The following CHIA variants were observed in gnomAD, a reference collection of about 807,000 sequenced individuals.
CHIA encodes acidic mammalian chitinase.
A neutral mutation model predicts 53.5 loss-of-function variants in CHIA; 47 were observed. The ratio of observed to expected loss-of-function variants is 0.88; its 90% CI spans 0.70 to 1.12. The LOEUF (loss-of-function observed/expected upper bound fraction) is 1.12. Among genes scored for constraint, CHIA ranks in the 50% most tolerant of loss-of-function variants. The pLI is 0.00. For synonymous variants in CHIA, 268 were observed against 222.2 expected, an observed-to-expected ratio of 1.21 and a Z score of -1.83; for missense variants, 652 against 592.2, an observed-to-expected ratio of 1.10 and a Z score of -1.05.
intron 4 of CHIA, among the ~76,000 whole-genome samples, chr1:111,312,712 G>A (rs1648787633): frequency 6.6e-6 from 1 of 152,164 alleles, no homozygotes; most frequent in South Asian, 2.1e-4. Context: ...ACTAACAATA[G>A]TAACCATGTT....
At chr1:111,317,551 C>T in intron 6 of CHIA, 130 bp from the exon 7 acceptor site, 1 of 1,027,042 alleles carries the variant, frequency 9.7e-7, no homozygotes, top group East Asian at 2.6e-5. Flanking sequence ...TGTTGAGAGA[C>T]TAAAGTAAAA....
intron 6 of CHIA, chr1:111,315,919 A>G: frequency 1.0e-5 from 1 of 99,216 alleles, no homozygotes; most frequent in Non-Finnish European, 2.1e-5. Context: ...TAAGAATAAG[A>G]CACTATCCTT....
intron 1 of CHIA, among the ~76,000 whole-genome samples, chr1:111,295,562 T>C (rs1661285377): frequency 2.0e-5 from 3 of 152,134 alleles, no homozygotes; most frequent in Admixed American, 1.3e-4. Flanking sequence ...AGCTCCCGTC[T>C]GCAGCTCCCA....
chr1:111,305,966 T>G (rs1193266470), intron 1 of CHIA, among the ~76,000 whole-genome samples: 1 of 152,156 alleles, frequency 6.6e-6, no homozygotes, highest in Non-Finnish European at 1.5e-5. Flanking sequence ...GAAGATGCAG[T>G]TTAAAATGGT....
rs1649363989 is a variant in CHIA at position 111,318,532 on chromosome 1, G to C, written c.769G>C (p.Ala257Pro). The change falls in exon 9 of 12, where the codon GCT (alanine) becomes CCT (proline). Residue 257 changes from alanine (A) to proline (P), a missense_variant. Ala to Pro is a conservative substitution (Grantham distance 27). Transcript: ENST00000369740. ...MNYWKDNGAPAEKLIVGFPTY... is the reference protein window; with the variant it reads ...MNYWKDNGAPPEKLIVGFPTY... ...CTACTGGAAGGACAATGGAGCACCA[G>C]CTGAGAAGCTCATCGTTGGATTCCC... is the stretch of plus-strand genomic sequence containing the variant. The C allele has an allele frequency of 1.2e-6, 2 of 1,614,068 alleles. No homozygotes were observed. Among genetic ancestry groups the C allele is most frequent in the Admixed American group, 1.7e-5 (1 of 60,002 alleles).
intron 1 of CHIA, among the ~76,000 whole-genome samples, chr1:111,296,743 A>T (rs995908472): frequency 3.9e-5 from 6 of 152,260 alleles, no homozygotes; most frequent in African/African-American, 1.4e-4. Flanking sequence ...TGACAGAAGT[A>T]GGCTTCAGAA....
intron 5 of CHIA, 69 bp downstream of exon 5, chr1:111,314,665 T>C: frequency 1.8e-6 from 2 of 1,086,026 alleles, no homozygotes; most frequent in Non-Finnish European, 2.9e-6. Context: ...GTGATCACTG[T>C]CCCTTTAGAC....
chr1:111,309,616 T>A (rs1648499796), intron 1 of CHIA, among the ~76,000 whole-genome samples: 1 of 152,184 alleles, frequency 6.6e-6, no homozygotes, highest in South Asian at 2.1e-4. Flanking sequence ...CAAGGCATGT[T>A]TGAGGGCAAA....
At chr1:111,297,313 G>A (rs995108289) in intron 1 of CHIA, among the ~76,000 whole-genome samples, 36 of 152,102 alleles carry the variant, frequency 2.4e-4, no homozygotes, top group African/African-American at 7.5e-4. Flanking sequence ...AAATGTTAAG[G>A]GCAGCCAGAG....
At position 111,320,281 on chromosome 1, in the gene CHIA, G is replaced by A. The variant is rs138227985; in HGVS notation, c.1246G>A (p.Gly416Arg). 1.8e-4 allele frequency: 285 copies of A among 1,614,184 alleles called. No homozygotes were observed. In the African/African-American group the frequency reaches 3.0e-3, roughly 17 times the overall value. The change falls in exon 12 of 12, where the codon GGG becomes AGG. Residue 416 changes from glycine to arginine, a missense_variant. Physicochemically the swap from Gly to Arg is moderately radical, Grantham distance 125 (BLOSUM62 -2). Transcript: ENST00000369740. The stretch of plus-strand genomic sequence containing the variant: ...TCCCAGTGGCAGCGGGAACGGGAGC[G>A]GGAGTAGCAGCTCTGGAGGCAGCTC... ...AAPSGSGNGS[G>R]SSSSGGSSGG...
At chr1:111,312,105 G>C (rs1414233800) in intron 3 of CHIA, 85 bp from the exon 4 acceptor site, 14 of 1,037,610 alleles carry the variant, frequency 1.3e-5, no homozygotes, top group Non-Finnish European at 2.1e-5. Context: ...GGCACAGGGA[G>C]GGAAACAGAG....
chr1:111,308,483 G>C (rs987367641), intron 1 of CHIA, among the ~76,000 whole-genome samples: 1 of 152,204 alleles, frequency 6.6e-6, no homozygotes, highest in African/African-American at 2.4e-5. Flanking sequence ...AGCAAAATTG[G>C]TGTGATAGTA....
intron 6 of CHIA, 79 bp from the exon 7 acceptor site, chr1:111,317,602 C>G: frequency 6.7e-7 from 1 of 1,498,082 alleles, no homozygotes; most frequent in South Asian, 1.2e-5. Flanking sequence ...AAGCATTATA[C>G]AGACATATGT....
rs571651178 is a variant in CHIA, at chr1:111,298,904, A to T, written c.-69+7954A>T. Among the ~76,000 whole-genome samples, 3 of 152,340 alleles carry T rather than the reference A, an allele frequency of 2.0e-5. No individual in the cohort carries two copies. In the South Asian group the frequency reaches 6.2e-4, roughly 32 times the overall value. On this transcript the variant is annotated intron_variant, in intron 1 of 11. Transcript: ENST00000369740. The stretch of plus-strand genomic sequence containing the variant: ...GATGCAATAAAAAATGATAAAGGGG[A>T]TATCACCACCGATCCCACAGAAATA...
rs1649070484 is a variant in CHIA at position 111,315,359 on chromosome 1, T to C, written c.404T>C (p.Leu135Pro). 2 of 1,614,094 alleles carry C rather than the reference T, an allele frequency of 1.2e-6. No homozygotes were observed. Among genetic ancestry groups the C allele is most frequent in the Admixed American group, 1.7e-5 (1 of 60,028 alleles). ...CTGCGCCAGTATGAGTTTGACGGGC[T>C]GGACTTTGACTGGGAGTACCCTGGC... ...KFLRQYEFDG[L>P]DFDWEYPGSR... Residue 135 changes from leucine (L) to proline (P), a missense_variant, in exon 6 of 12, where the codon CTG becomes CCG. By Grantham distance (98) the Leu-to-Pro change is moderately conservative. Transcript: ENST00000369740.
rs1401844803 is a variant in CHIA at position 111,320,413 on chromosome 1, T to C, written c.1378T>C (p.Cys460Arg). Residue 460 changes from cysteine (C) to arginine (R), a missense_variant, in exon 12 of 12, where the codon TGC becomes CGC. Physicochemically the swap from Cys to Arg is radical, Grantham distance 180. Coordinates refer to ENST00000369740, the MANE Select transcript of CHIA (RefSeq NM_201653.4). ...CVNGVTYQQN[C>R]QAGLVFDTSC... Reference sequence around the variant, plus strand: ...GAATGGAGTCACGTACCAGCAGAACTGCCAGGCCGGGCTTGTCTTCGACAC... The same window carrying C: ...GAATGGAGTCACGTACCAGCAGAACCGCCAGGCCGGGCTTGTCTTCGACAC... The C allele has an allele frequency of 3.7e-6, 6 of 1,614,212 alleles. No homozygotes were observed. Among genetic ancestry groups the C allele is most frequent in the Non-Finnish European group, 5.1e-6 (6 of 1,180,032 alleles).
chr1:111,318,133 A>T (rs202022968), intron 8 of CHIA, 24 bp downstream of exon 8: 1 of 1,564,416 alleles, frequency 6.4e-7, no homozygotes, highest in Non-Finnish European at 8.8e-7. Context: ...CAGATGCAAG[A>T]GCAGACCAGA....
chr1:111,309,329 A>T (rs1287567185), intron 1 of CHIA, among the ~76,000 whole-genome samples: 1 of 152,262 alleles, frequency 6.6e-6, no homozygotes, highest in Non-Finnish European at 1.5e-5. Flanking sequence ...TGGACTCACA[A>T]GAACTCTGCT....
At chr1:111,292,111 C>T (rs4406630) in intron 1 of CHIA, among the ~76,000 whole-genome samples, 42,409 of 152,082 alleles carry the variant, frequency 0.28, 6,229 homozygotes, top group East Asian at 0.36. Flanking sequence ...CCTATAATTA[C>T]TCCTCAGCTA....
Sources: gnomAD v4.1 joint callset for allele counts (sites outside exome capture counted in the v4.1 genomes callset) on GRCh38, gnomAD v4.1.1 for gene constraint, MANE v1.5 for transcripts, NCBI Gene and HGNC (gene_info 2026-07-23, HGNC 2026-07-21) for gene names.